MMRN1: variants seen among roughly 807,000 people sequenced by gnomAD.
The protein encoded by MMRN1 is multimerin 1, also known as multimerin-1.
MMRN1 carries 94 observed loss-of-function variants against 100.7 expected under a neutral mutation model. That is an observed-to-expected ratio of 0.93 (90% confidence interval 0.79 to 1.11). The LOEUF is 1.11. Among genes scored for constraint, MMRN1 ranks in the 50% least tolerant of loss-of-function variants. The pLI, the probability that MMRN1 is intolerant of heterozygous loss-of-function variation, is 0.00. For missense variants in MMRN1, 1,606 were observed against 1,439.1 expected, an observed-to-expected ratio of 1.12 and a Z score of -1.88; for synonymous variants, 575 against 505.0, an observed-to-expected ratio of 1.14 and a Z score of -1.86.
upstream of MMRN1, among the ~76,000 whole-genome samples, chr4:89,892,419 T>C (rs2110575945): frequency 6.6e-6 from 1 of 151,756 alleles, no homozygotes; most frequent in East Asian, 1.9e-4. Context: ...GTAAACTGAG[T>C]ACTCTTCAGC....
intron 1 of MMRN1, among the ~76,000 whole-genome samples, chr4:89,880,413 AC>A (rs1720792374): frequency 6.6e-6 from 1 of 152,164 alleles, no homozygotes; most frequent in South Asian, 2.1e-4. Context: ...CAAAGAGTTA[AC>A]CATTACCTAC....
chr4:89,895,689 A>C (rs891232356), intron 1 of MMRN1, 95 bp downstream of exon 1: 4 of 1,442,470 alleles, frequency 2.8e-6, no homozygotes, highest in Admixed American at 2.8e-5. Flanking sequence ...ATTATTTCAA[A>C]TTCAAGATGA....
intron 1 of MMRN1, among the ~76,000 whole-genome samples, chr4:89,907,168 A>G (rs1369491493): frequency 6.6e-6 from 1 of 151,348 alleles, no homozygotes; most frequent in Admixed American, 6.6e-5. Context: ...TGGTCCTCTC[A>G]ATTTTAAATC....
chr4:89,914,021 T>A (rs1006750971), intron 3 of MMRN1, among the ~76,000 whole-genome samples: 1 of 151,436 alleles, frequency 6.6e-6, no homozygotes, highest in Admixed American at 6.6e-5. Context: ...GTATTTTCAA[T>A]GGCTGAATTT....
At chr4:89,941,052 T>C (rs1282463034) in intron 6 of MMRN1, among the ~76,000 whole-genome samples, 1 of 152,180 alleles carries the variant, frequency 6.6e-6, no homozygotes, top group East Asian at 1.9e-4. Context: ...AAAGAATGGT[T>C]TTCTCCAAGC....
chr4:89,936,416 T>C lies in MMRN1; in HGVS notation c.2736T>C (p.His912=). Residue 912 remains histidine, a synonymous_variant, in exon 6 of 8, where the codon CAT becomes CAC. Coordinates refer to ENST00000264790, the MANE Select transcript of MMRN1 (RefSeq NM_007351.3). ...RFKALEAKSI[H]LSINFFSLNK... ...AGGCGTTGGAAGCAAAATCTATCCATCTTTCAATTAACTTCTTTTCGCTTA... is the reference window on the plus strand; with the variant it reads ...AGGCGTTGGAAGCAAAATCTATCCACCTTTCAATTAACTTCTTTTCGCTTA... 6.2e-7 allele frequency: 1 copy of C among 1,610,086 alleles called. No individual in the cohort carries two copies. Among genetic ancestry groups the C allele is most frequent in the Non-Finnish European group, 8.5e-7 (1 of 1,178,820 alleles).
chr4:89,898,788 T>C (rs530181620), intron 1 of MMRN1, among the ~76,000 whole-genome samples: 1 of 152,070 alleles, frequency 6.6e-6, no homozygotes, highest in African/African-American at 2.4e-5. Context: ...CCTTCTCAGG[T>C]GAAGTTAGGT....
At chr4:89,908,460 T>C (rs981591371) in intron 1 of MMRN1, among the ~76,000 whole-genome samples, 4 of 151,542 alleles carry the variant, frequency 2.6e-5, no homozygotes, top group African/African-American at 9.7e-5. Context: ...ATTTGAAGAT[T>C]AATTTGAGGA....
intron 1 of MMRN1, among the ~76,000 whole-genome samples, chr4:89,897,374 T>C (rs1196929990): frequency 6.6e-6 from 1 of 152,046 alleles, no homozygotes; most frequent in Non-Finnish European, 1.5e-5. Flanking sequence ...CACACCCAGC[T>C]AATTTTTGTA....
Position 89,954,405 on chromosome 4 carries a change from C to G in MMRN1, c.*987C>G, listed in dbSNP as rs1395039467. 6.6e-6 allele frequency: 1 copy of G among 152,038 alleles called. No individual in the cohort carries two copies. The highest frequency in any genetic ancestry group is 2.4e-5 in the African/African-American group (1 of 41,398). The allele number at this position is 152,038 out of a possible 1,614,324, so 9.4% of individuals were successfully genotyped here. A position where few individuals can be genotyped will look rare whatever the true frequency, so the allele number is the denominator to read the frequency against. ...GAATCAGGCCATGTCTTCTCCAGAG[C>G]CCACATCCATCCTTTCTCTATATTG... On this transcript the variant is annotated 3_prime_UTR_variant, in exon 8 of 8. Coordinates refer to ENST00000264790, the MANE Select transcript of MMRN1 (RefSeq NM_007351.3).
intron 1 of MMRN1, among the ~76,000 whole-genome samples, chr4:89,900,423 C>A (rs1387722826): frequency 6.6e-6 from 1 of 152,054 alleles, no homozygotes; most frequent in East Asian, 1.9e-4. Flanking sequence ...TCCTCTTCCA[C>A]TTGCACCTCC....
intron 3 of MMRN1, 85 bp downstream of exon 3, chr4:89,912,135 C>A: frequency 1.0e-6 from 1 of 970,882 alleles, no homozygotes; most frequent in Non-Finnish European, 1.5e-6. Context: ...CCCTTTTGAA[C>A]CAAGGTAAAT....
rs145689579 is a variant in MMRN1, at chr4:89,899,127, C to A, written c.623+3533C>A. Among the ~76,000 whole-genome samples the A allele has an allele frequency of 4.3e-3, 657 of 151,678 alleles. 8 individuals carry two copies. Among genetic ancestry groups the A allele is most frequent in the African/African-American group, 0.015 (634 of 41,386 alleles). ...TTTTATAATAATTCTTAGTAAAAGG[C>A]GTATTTATGTTTATTACAGGTTCTT... On this transcript the variant is annotated intron_variant, in intron 1 of 7. Coordinates refer to ENST00000264790, the MANE Select transcript of MMRN1 (RefSeq NM_007351.3).
intron 1 of MMRN1, 77 bp from the exon 2 acceptor site, chr4:89,909,199 G>C (rs892263973): frequency 6.8e-7 from 1 of 1,463,284 alleles, no homozygotes; most frequent in Admixed American, 2.0e-5. Flanking sequence ...ATAAATGTTT[G>C]TCTGTGAAAA....
At chr4:89,906,774 T>G (rs1438621532) in intron 1 of MMRN1, among the ~76,000 whole-genome samples, 2 of 151,530 alleles carry the variant, frequency 1.3e-5, no homozygotes, top group Non-Finnish European at 3.0e-5. Flanking sequence ...GGGGCTCTTT[T>G]GCTGTGGATA....
At chr4:89,912,662 G>A (rs1721791884) in intron 3 of MMRN1, among the ~76,000 whole-genome samples, 1 of 150,580 alleles carries the variant, frequency 6.6e-6, no homozygotes, top group Admixed American at 6.6e-5. Context: ...CTTTAAACAG[G>A]TTTCCTTTGA....
In MMRN1 at chr4:89,909,362, C is replaced by A; in HGVS notation, c.710C>A (p.Pro237His). The A allele has an allele frequency of 6.2e-7, 1 of 1,610,008 alleles. No homozygotes were observed. The highest frequency in any genetic ancestry group is 8.5e-7 in the Non-Finnish European group (1 of 1,177,472). The change falls in exon 2 of 8, where the codon CCT becomes CAT. Residue 237 changes from proline (P) to histidine (H), a missense_variant. By Grantham distance (77) the Pro-to-His change is moderately conservative. Transcript: ENST00000264790. Reference sequence around the variant, plus strand: ...ACTTATGTCCCAGGTGGGAAAGGACCTTGTGGCTGGACCGGTGGATCCTGT... The same window carrying A: ...ACTTATGTCCCAGGTGGGAAAGGACATTGTGGCTGGACCGGTGGATCCTGT... Reference protein sequence around the residue: ...QVTYVPGGKGPCGWTGGSCPQ... With the variant: ...QVTYVPGGKGHCGWTGGSCPQ...
Position 89,894,856 on chromosome 4 carries a change from A to T in MMRN1, c.-116A>T. On this transcript the variant is annotated 5_prime_UTR_variant, in exon 1 of 8. Transcript: ENST00000264790. Reference sequence around the variant, plus strand: ...ACACAGAAACCTGTTTCCTCTACACATCTCAAACTGGCAAAACTCAGTCTT... The same window carrying T: ...ACACAGAAACCTGTTTCCTCTACACTTCTCAAACTGGCAAAACTCAGTCTT... 1 of 1,472,282 alleles carries T rather than the reference A, an allele frequency of 6.8e-7. No homozygotes were observed. The highest frequency in any genetic ancestry group is 1.4e-5 in the African/African-American group (1 of 71,174). 91.2% of individuals were successfully genotyped at this position (1,472,282 alleles called of 1,614,324 possible). A position where few individuals can be genotyped will look rare whatever the true frequency, so the allele number is the denominator to read the frequency against.
At chr4:89,902,427 T>A (rs1169148786) in intron 1 of MMRN1, among the ~76,000 whole-genome samples, 2 of 152,010 alleles carry the variant, frequency 1.3e-5, no homozygotes, top group Non-Finnish European at 2.9e-5. Flanking sequence ...ATAAAATATA[T>A]ATGTTATACA....
Sources: allele counts gnomAD v4.1 joint callset (sites outside exome capture counted in the v4.1 genomes callset), GRCh38; gene constraint gnomAD v4.1.1; transcripts MANE v1.5; gene names NCBI Gene and HGNC (gene_info 2026-07-23, HGNC 2026-07-21).